BRWD3: variants seen among roughly 807,000 people sequenced by gnomAD.
The protein encoded by BRWD3 is bromodomain and WD repeat domain containing 3.
In BRWD3, 10 loss-of-function variants were observed where a neutral mutation model predicts 149.7. The ratio of observed to expected loss-of-function variants is 0.07; its 90% CI spans 0.04 to 0.11. BRWD3 has a LOEUF of 0.11. Ranked by LOEUF, BRWD3 falls within the 10% of genes least tolerant of loss-of-function variation. The probability of loss-of-function intolerance (pLI) is 1.00; values close to 1 mark genes in which losing one functional copy is unlikely to be tolerated. For synonymous variants in BRWD3, 504 were observed against 456.7 expected, an observed-to-expected ratio of 1.10 and a Z score of -1.32; for missense variants, 940 against 1,373.2, an observed-to-expected ratio of 0.68 and a Z score of 4.99.
intron 4 of BRWD3, among the ~76,000 whole-genome samples, chrX:80,804,942 TAG>T (rs2074335424): frequency 8.9e-6 from 1 of 112,135 alleles, no homozygotes. Flanking sequence ...CTGGAAAATT[TAG>T]AGTGTTATAT....
Position 80,716,063 on chromosome X carries a change from A to G in BRWD3, c.2325+94T>C, listed in dbSNP as rs924036637. Reference sequence around the variant, plus strand: ...CCTATATGCAGATACCTATTAAAATAGTCTCTTAACACACAACTGCTGCCT... The same window carrying G: ...CCTATATGCAGATACCTATTAAAATGGTCTCTTAACACACAACTGCTGCCT... On this transcript the variant is annotated intron_variant, in intron 20 of 40. Coordinates refer to ENST00000373275, the MANE Select transcript of BRWD3 (RefSeq NM_153252.5). The G allele has an allele frequency of 7.3e-6, 5 of 683,177 alleles. No individual in the cohort carries two copies. The Admixed American group carries it at 9.9e-5, about 13-fold the overall frequency. 56.3% of individuals were successfully genotyped at this position (683,177 alleles called of 1,213,427 possible).
At chrX:80,807,061 A>C (rs2147873330) in intron 4 of BRWD3, among the ~76,000 whole-genome samples, 1 of 112,575 alleles carries the variant, frequency 8.9e-6, no homozygotes, top group East Asian at 2.8e-4. Context: ...ACACCTCAGT[A>C]TTAAAACTAT....
chrX:80,721,714 A>T (rs1281500053), intron 17 of BRWD3, among the ~76,000 whole-genome samples: 1 of 112,049 alleles, frequency 8.9e-6, no homozygotes, highest in Non-Finnish European at 1.9e-5. Context: ...TATCACATTC[A>T]TCTCTGCTTT....
chrX:80,776,171 T>G (rs2073998817), intron 6 of BRWD3, among the ~76,000 whole-genome samples: 2 of 112,367 alleles, frequency 1.8e-5, no homozygotes, highest in South Asian at 7.3e-4. Flanking sequence ...TACCTCCACC[T>G]GAGAGACAAC....
At chrX:80,706,145 G>A (rs1241522054) in intron 22 of BRWD3, among the ~76,000 whole-genome samples, 1 of 107,961 alleles carries the variant, frequency 9.3e-6, no homozygotes, top group Non-Finnish European at 1.9e-5. Flanking sequence ...TTTCACTCTT[G>A]TCGCACAGGC....
intron 6 of BRWD3, chrX:80,747,000 A>T (rs773509271): frequency 6.2e-6 from 1 of 162,327 alleles, no homozygotes; most frequent in African/African-American, 3.2e-5. Context: ...TGAGTAAATA[A>T]TGGGAGGAAC....
intron 40 of BRWD3, among the ~76,000 whole-genome samples, chrX:80,680,983 T>C (rs1335330354): frequency 9.9e-6 from 1 of 101,289 alleles, no homozygotes; most frequent in Non-Finnish European, 2.0e-5. Flanking sequence ...TTTTTTTTTT[T>C]TTTTTTTGTA....
chrX:80,789,926 C>T (rs937239325), intron 6 of BRWD3, among the ~76,000 whole-genome samples: 2 of 106,923 alleles, frequency 1.9e-5, no homozygotes, highest in African/African-American at 6.8e-5. Context: ...CACCCATAAT[C>T]CCAGCACTCT....
At chrX:80,758,293 C>T (rs1296960218) in intron 6 of BRWD3, among the ~76,000 whole-genome samples, 4 of 111,978 alleles carry the variant, frequency 3.6e-5, no homozygotes, top group Admixed American at 9.4e-5. Flanking sequence ...ATCACTTATC[C>T]AATTTCAGGA....
At chrX:80,703,305 G>A (rs2072817086) in intron 24 of BRWD3, among the ~76,000 whole-genome samples, 175 bp downstream of exon 24, 1 of 110,679 alleles carries the variant, frequency 9.0e-6, no homozygotes, top group African/African-American at 3.3e-5. Flanking sequence ...ACCTACAAAG[G>A]ATACAAAGAT....
At position 80,809,744 on chromosome X, in the gene BRWD3, G is replaced by GAGAGAGGAAAA. The variant is rs1300148103; in HGVS notation, c.-274_-273insTTTTCCTCTCT. 17 of 229,256 alleles carry GAGAGAGGAAAA rather than the reference G, an allele frequency of 7.4e-5. No homozygotes were observed. The highest frequency in any genetic ancestry group is 1.2e-4 in the Non-Finnish European group (16 of 132,471). The allele number at this position is 229,256 out of a possible 1,213,427, so 18.9% of individuals were successfully genotyped here. A position where few individuals can be genotyped will look rare whatever the true frequency, so the allele number is the denominator to read the frequency against. On this transcript the variant is annotated 5_prime_UTR_variant, in exon 1 of 41. Coordinates refer to ENST00000373275, the MANE Select transcript of BRWD3 (RefSeq NM_153252.5). ...GTGAGAGAGAGAGAGAGAAGAGAGA[G>GAGAGAGGAAAA]AGAGAGAGAGGAAAAAGAGAGAGAG...
intron 13 of BRWD3, 110 bp from the exon 14 acceptor site, chrX:80,729,015 T>C (rs1033686605): frequency 4.6e-5 from 30 of 647,506 alleles, no homozygotes; most frequent in Non-Finnish European, 6.7e-5. Flanking sequence ...TGTTTAGATT[T>C]AAAAATCCTA....
Position 80,791,949 on chromosome X carries a change from C to G in BRWD3, c.335G>C (p.Cys112Ser). Reference sequence around the variant, plus strand: ...AGACCCATTCCATAGTGTACTCTTACAGTCTATATAAAAAGAACAAAGGTT... The same window carrying G: ...AGACCCATTCCATAGTGTACTCTTAGAGTCTATATAAAAAGAACAAAGGTT... ...RQSLLRDAKD[C>S]KSTLWNGSAF... is the part of the protein sequence containing the mutation. The change falls in exon 6 of 41, where the codon TGT (cysteine) becomes TCT (serine). Residue 112 changes from cysteine (C) to serine (S), a missense_variant. This residue lies in a region of BRWD3 where 105 missense variants were observed against 127.7 expected (regional missense o/e 0.82). Coordinates refer to ENST00000373275, the MANE Select transcript of BRWD3 (RefSeq NM_153252.5). 8 of 1,181,202 alleles carry G rather than the reference C, an allele frequency of 6.8e-6. No homozygotes were observed. Among genetic ancestry groups the G allele is most frequent in the Non-Finnish European group, 9.2e-6 (8 of 871,016 alleles).
At chrX:80,737,124 C>T (rs11796018) in intron 8 of BRWD3, among the ~76,000 whole-genome samples, 29,760 of 110,436 alleles carry the variant, frequency 0.27, 2,908 homozygotes, top group South Asian at 0.63. Context: ...TATTCATTAA[C>T]AACTGATGTG....
Position 80,672,131 on chromosome X carries a change from C to T in BRWD3, c.*4478G>A, listed in dbSNP as rs1435907836. On this transcript the variant is annotated 3_prime_UTR_variant, in exon 41 of 41. Transcript: ENST00000373275. The stretch of plus-strand genomic sequence containing the variant: ...ATTTAATTTAGAAGAAATGGGCATA[C>T]ATGTAAATAAACAAACACAACTTAA... The T allele has an allele frequency of 9.1e-6, 1 of 110,000 alleles. No individual in the cohort carries two copies. Among genetic ancestry groups the T allele is most frequent in the Non-Finnish European group, 1.9e-5 (1 of 52,834 alleles). The allele number at this position is 110,000 out of a possible 1,213,427, so 9.1% of individuals were successfully genotyped here.
chrX:80,732,150 T>G (rs1490695659), intron 12 of BRWD3, among the ~76,000 whole-genome samples: 1 of 111,647 alleles, frequency 9.0e-6, no homozygotes, highest in Non-Finnish European at 1.9e-5. Context: ...GTGTTTAGAC[T>G]TGGGTTCCAT....
At chrX:80,735,943 TA>T in intron 9 of BRWD3, 44 bp downstream of exon 9, 1 of 917,347 alleles carries the variant, frequency 1.1e-6, no homozygotes, top group Middle Eastern at 3.4e-4. Context: ...AGGCAATAGA[TA>T]AAAAATTAAC....
chrX:80,677,074 G>A lies in BRWD3; in HGVS notation c.4944C>T (p.Thr1648=). The part of the protein sequence containing the change: ...GDHDYSKFIQ[T]RPKRKLRKQH... Reference sequence around the variant, plus strand: ...GCTTTCTGAGTTTTCTTTTAGGTCTGGTTTGTATGAATTTGCTATAATCAT... The same window carrying A: ...GCTTTCTGAGTTTTCTTTTAGGTCTAGTTTGTATGAATTTGCTATAATCAT... The change falls in exon 41 of 41, where the codon ACC becomes ACT. Residue 1648 remains threonine (T), a synonymous_variant. Coordinates refer to ENST00000373275, the MANE Select transcript of BRWD3 (RefSeq NM_153252.5). 2 of 1,211,174 alleles carry A rather than the reference G, an allele frequency of 1.7e-6. No homozygotes were observed. The highest frequency in any genetic ancestry group is 2.2e-6 in the Non-Finnish European group (2 of 895,201).
chrX:80,743,927 T>G, intron 8 of BRWD3, 105 bp downstream of exon 8: 2 of 685,994 alleles, frequency 2.9e-6, no homozygotes, highest in East Asian at 7.0e-5. Flanking sequence ...GAGAGCATTT[T>G]TCTCTTGTTA....
Sources: gnomAD v4.1 joint callset for allele counts (sites outside exome capture counted in the v4.1 genomes callset) on GRCh38, gnomAD v4.1.1 for gene constraint, gnomAD v4.1.1 regional missense constraint, MANE v1.5 for transcripts, NCBI Gene and HGNC (gene_info 2026-07-23, HGNC 2026-07-21) for gene names.